The following MEGF11 variants were observed in gnomAD, a reference collection of about 807,000 sequenced individuals.
The protein encoded by MEGF11 is multiple EGF like domains 11.
In MEGF11, 126 loss-of-function variants were observed where a neutral mutation model predicts 146.6. That is an observed-to-expected ratio of 0.86 (90% CI 0.74 to 1.00). The LOEUF is 1.00. MEGF11 is among the 50% of genes least tolerant of loss of function. The probability of loss-of-function intolerance (pLI) is 0.00; values close to 1 mark genes in which losing one functional copy is unlikely to be tolerated. For synonymous variants in MEGF11, 532 were observed against 583.4 expected (o/e 0.91, Z 1.27); for missense variants, 1,509 against 1,521.2 (o/e 0.99, Z 0.13).
chr15:66,170,137 C>A (rs183783317), intron 1 of MEGF11, among the ~76,000 whole-genome samples: 245 of 152,246 alleles, frequency 1.6e-3, no homozygotes, highest in African/African-American at 5.5e-3. Flanking sequence ...TCTATAATCA[C>A]AATAATAATA....
In MEGF11 at chr15:66,025,354, T is replaced by G. The variant is rs536955130; in HGVS notation, c.395-42866A>C. Among the ~76,000 whole-genome samples the G allele has an allele frequency of 2.5e-3, 386 of 152,016 alleles. 1 individual carries two copies. Among genetic ancestry groups the G allele is most frequent in the Middle Eastern group, 0.01 (3 of 294 alleles). On this transcript the variant is annotated intron_variant, in intron 5 of 25. Transcript: ENST00000395614. The stretch of plus-strand genomic sequence containing the variant: ...CGTGGTCCACTCCTGCTTGGCTTAT[T>G]GAAACTCATGCTGGGCCCCTCAGTC...
chr15:66,217,270 C>A (rs1442154871), intron 1 of MEGF11, among the ~76,000 whole-genome samples: 1 of 152,188 alleles, frequency 6.6e-6, no homozygotes, highest in Non-Finnish European at 1.5e-5. Context: ...GCCTGAGGCC[C>A]AGAGAGGGAA....
At chr15:66,146,325 G>A (rs1014037831) in intron 1 of MEGF11, among the ~76,000 whole-genome samples, 3 of 152,192 alleles carry the variant, frequency 2.0e-5, no homozygotes, top group Non-Finnish European at 4.4e-5. Context: ...TCTCCCGGCT[G>A]CAAGGGACTC....
At chr15:66,037,508 T>C (rs2083769349) in intron 5 of MEGF11, among the ~76,000 whole-genome samples, 1 of 152,198 alleles carries the variant, frequency 6.6e-6, no homozygotes, top group South Asian at 2.1e-4. Flanking sequence ...GCAGTAATCA[T>C]GTGTAGGTCC....
intron 10 of MEGF11, among the ~76,000 whole-genome samples, chr15:65,952,037 C>T (rs764912199): frequency 1.3e-5 from 2 of 152,066 alleles, no homozygotes; most frequent in Admixed American, 6.5e-5. Context: ...TTTGAGAGGC[C>T]ACATTCACAT....
rs2078377298 is a variant in MEGF11, at chr15:65,897,344, T to C, written c.*590A>G. ...GAAAGTAAAGTCTTGTTTTTTAAAA[T>C]AGAAGTTGTCAGCATTAGACTATAT... On this transcript the variant is annotated 3_prime_UTR_variant, in exon 26 of 26. Coordinates refer to ENST00000395614, the MANE Select transcript of MEGF11 (RefSeq NM_001385028.1). The C allele has an allele frequency of 6.6e-6, 1 of 152,220 alleles. No individual in the cohort carries two copies. 9.4% of individuals were successfully genotyped at this position (152,220 alleles called of 1,614,324 possible).
At chr15:66,057,513 T>C (rs1276368567) in intron 5 of MEGF11, among the ~76,000 whole-genome samples, 4 of 152,140 alleles carry the variant, frequency 2.6e-5, no homozygotes, top group Non-Finnish European at 4.4e-5. Flanking sequence ...CAGTTAAATA[T>C]TGTTGATATC....
intron 4 of MEGF11, among the ~76,000 whole-genome samples, chr15:66,095,184 A>C (rs529580369): frequency 6.6e-6 from 1 of 152,376 alleles, no homozygotes; most frequent in Non-Finnish European, 1.5e-5. Context: ...AGCGGCAGGC[A>C]GTTTGCCTCA....
At chr15:65,965,255 C>T (rs2081026023) in intron 8 of MEGF11, 135 bp from the exon 9 acceptor site, 4 of 639,722 alleles carry the variant, frequency 6.3e-6, no homozygotes, top group Non-Finnish European at 1.0e-5. Flanking sequence ...GCCTCCTCCC[C>T]TTTTCTCTCT....
At chr15:66,097,019 G>C (rs538906902) in intron 4 of MEGF11, among the ~76,000 whole-genome samples, 56 of 152,340 alleles carry the variant, frequency 3.7e-4, no homozygotes, top group African/African-American at 1.2e-3. Flanking sequence ...TTCGGGGTCA[G>C]TTTCTGTGCT....
At chr15:66,008,447 ACAC>A (rs1567199840) in intron 5 of MEGF11, among the ~76,000 whole-genome samples, 4 of 151,244 alleles carry the variant, frequency 2.6e-5, no homozygotes, top group African/African-American at 9.8e-5. Flanking sequence ...ACACACACAC[ACAC>A]AAAATTACAG....
At position 66,157,425 on chromosome 15, in the gene MEGF11, C is replaced by T. The variant is rs560853935; in HGVS notation, c.-8-29014G>A. Among the ~76,000 whole-genome samples, 14 of 152,330 alleles carry T rather than the reference C, an allele frequency of 9.2e-5. 1 individual carries two copies. In the South Asian group the frequency reaches 2.9e-3, roughly 32 times the overall value. ...CACACACCCCATGTCACGGCAGCTA[C>T]AAGATCCCACCCCTGGATCACAACA... On this transcript the variant is annotated intron_variant, in intron 1 of 25. Coordinates refer to ENST00000395614, the MANE Select transcript of MEGF11 (RefSeq NM_001385028.1).
chr15:66,065,639 C>G (rs2085091942), intron 5 of MEGF11, among the ~76,000 whole-genome samples: 1 of 152,208 alleles, frequency 6.6e-6, no homozygotes, highest in Non-Finnish European at 1.5e-5. Flanking sequence ...CAAACATTTC[C>G]TGCGTCCAAG....
intron 10 of MEGF11, among the ~76,000 whole-genome samples, chr15:65,946,578 A>C (rs2141410832): frequency 6.6e-6 from 1 of 152,276 alleles, no homozygotes; most frequent in African/African-American, 2.4e-5. Flanking sequence ...TTTTTAATAG[A>C]GATGGGGTTT....
intron 3 of MEGF11, among the ~76,000 whole-genome samples, chr15:66,122,516 T>C (rs1259115532): frequency 1.3e-5 from 2 of 152,174 alleles, no homozygotes; most frequent in African/African-American, 2.4e-5. Context: ...ACTGGGCTCA[T>C]AGGAGAAAGC....
At chr15:66,048,470 G>C (rs978308169) in intron 5 of MEGF11, among the ~76,000 whole-genome samples, 5 of 152,246 alleles carry the variant, frequency 3.3e-5, no homozygotes, top group African/African-American at 7.2e-5. Flanking sequence ...CTGCAGCCCA[G>C]GGGCTCTGTG....
intron 1 of MEGF11, among the ~76,000 whole-genome samples, chr15:66,248,515 T>C (rs1449470870): frequency 2.0e-5 from 3 of 152,234 alleles, no homozygotes; most frequent in Non-Finnish European, 4.4e-5. Flanking sequence ...AATCTATATT[T>C]GATTAATTGA....
chr15:66,015,726 GATTA>G (rs2082863564), intron 5 of MEGF11, among the ~76,000 whole-genome samples: 1 of 152,168 alleles, frequency 6.6e-6, no homozygotes, highest in African/African-American at 2.4e-5. Context: ...TGAGTAATTA[GATTA>G]ATTTATTCAT....
chr15:66,209,366 A>G (rs2091386033), intron 1 of MEGF11, among the ~76,000 whole-genome samples: 1 of 152,134 alleles, frequency 6.6e-6, no homozygotes, highest in Non-Finnish European at 1.5e-5. Flanking sequence ...AAAAAACAAA[A>G]AAAACTAAAC....
Sources: allele counts gnomAD v4.1 joint callset (sites outside exome capture counted in the v4.1 genomes callset), GRCh38; gene constraint gnomAD v4.1.1; transcripts MANE v1.5; gene names NCBI Gene and HGNC (gene_info 2026-07-23, HGNC 2026-07-21).